Variants in TJP3 observed in about 807,000 individuals in gnomAD.
TJP3 encodes the protein tight junction protein 3.
Under a neutral mutation model 104.2 loss-of-function variants are expected in TJP3, and 85 were observed. The observed-to-expected ratio is 0.82, with a 90% CI of 0.68 to 0.98. The LOEUF is 0.98. Ranked by LOEUF, TJP3 falls within the 50% of genes least tolerant of loss-of-function variation. TJP3 has a pLI of 0.00. For synonymous variants in TJP3, 550 were observed against 550.6 expected (o/e 1.00, Z 0.02); for missense variants, 1,367 against 1,322.8 (o/e 1.03, Z -0.52).
chr19:3,748,003 G>A lies in TJP3; in HGVS notation c.2532G>A (p.Arg844=). 2 of 1,609,820 alleles carry A rather than the reference G, an allele frequency of 1.2e-6. No individual in the cohort carries two copies. The highest frequency in any genetic ancestry group is 1.7e-6 in the Non-Finnish European group (2 of 1,178,558). Residue 844 remains arginine (R), a synonymous_variant, in exon 19 of 21, where the codon CGG becomes CGA. Coordinates refer to ENST00000541714, the MANE Select transcript of TJP3 (RefSeq NM_001267560.2). Reference sequence around the variant, plus strand: ...AGCCCCCGGCTCCAGCCCTGGCCCGGTCCTCGGAGCCCGTGCAGGCAGATG... The same window carrying A: ...AGCCCCCGGCTCCAGCCCTGGCCCGATCCTCGGAGCCCGTGCAGGCAGATG... ...DDEPPAPALA[R]SSEPVQADES...
Position 3,715,831 on chromosome 19 carries a change from T to C in TJP3, c.-10+7270T>C, listed in dbSNP as rs535360831. Among the ~76,000 whole-genome samples the C allele has an allele frequency of 4.6e-5, 7 of 152,234 alleles. No homozygotes were observed. In the South Asian group the frequency reaches 1.5e-3, roughly 32 times the overall value. On this transcript the variant is annotated intron_variant, in intron 1 of 20. Coordinates refer to ENST00000541714, the MANE Select transcript of TJP3 (RefSeq NM_001267560.2). ...CTCGCTCTTGTCATCCAGGCTGGAG[T>C]GCAATGGCGCAATCTCGGCTCACTA...
chr19:3,723,562 G>A (rs1489601634), intron 1 of TJP3, among the ~76,000 whole-genome samples: 1 of 151,994 alleles, frequency 6.6e-6, no homozygotes, highest in African/African-American at 2.4e-5. Flanking sequence ...GAGGCTGAGG[G>A]AGGTGGATCA....
intron 1 of TJP3, among the ~76,000 whole-genome samples, chr19:3,718,981 C>T (rs1481502162): frequency 2.0e-5 from 3 of 151,726 alleles, no homozygotes; most frequent in African/African-American, 7.3e-5. Context: ...GTCAGGAGTT[C>T]GAGACCAGCC....
chr19:3,716,584 T>C (rs1398190094), intron 1 of TJP3, among the ~76,000 whole-genome samples: 1 of 147,134 alleles, frequency 6.8e-6, no homozygotes, highest in African/African-American at 2.4e-5. Flanking sequence ...CCAGTAAACA[T>C]GGCCCGGGAG....
intron 19 of TJP3, among the ~76,000 whole-genome samples, chr19:3,749,344 T>C (rs2036958028): frequency 1.3e-5 from 2 of 151,978 alleles, no homozygotes; most frequent in African/African-American, 4.8e-5. Context: ...ATATATTTTA[T>C]TTTTTAAATT....
chr19:3,745,987 G>T, intron 15 of TJP3, 24 bp from the exon 16 acceptor site: 1 of 1,580,720 alleles, frequency 6.3e-7, no homozygotes, highest in Admixed American at 1.8e-5. Context: ...TCCTGAAGCT[G>T]CTGGTCCTCT....
intron 1 of TJP3, among the ~76,000 whole-genome samples, chr19:3,726,107 G>A (rs554656542): frequency 4.4e-4 from 67 of 152,348 alleles, no homozygotes; most frequent in African/African-American, 1.5e-3. Flanking sequence ...TCACACACCC[G>A]CTGTGCCAAG....
At chr19:3,739,856 C>T (rs1016253296) in intron 13 of TJP3, among the ~76,000 whole-genome samples, 1 of 152,172 alleles carries the variant, frequency 6.6e-6, no homozygotes, top group African/African-American at 2.4e-5. Flanking sequence ...CTCACCCTCC[C>T]GCCTCTTCTT....
chr19:3,733,835 T>C lies in TJP3; in HGVS notation c.800T>C (p.Leu267Pro). The C allele has an allele frequency of 1.2e-6, 2 of 1,614,246 alleles. No homozygotes were observed. The highest frequency in any genetic ancestry group is 1.7e-6 in the Non-Finnish European group (2 of 1,180,038). ...IEKSEGKLSL[L>P]VLRDRGQFLV... ...AAGTCAGAAGGGAAGCTAAGCCTGC[T>C]GGTGCTGAGAGATCGTGGGCAGTTC... Residue 267 changes from leucine to proline, a missense_variant, in exon 7 of 21, where the codon CTG (leucine) becomes CCG (proline). Coordinates refer to ENST00000541714, the MANE Select transcript of TJP3 (RefSeq NM_001267560.2).
At position 3,746,348 on chromosome 19, in the gene TJP3, C is replaced by G. The variant is rs746151768; in HGVS notation, c.2011-137C>G. On this transcript the variant is annotated intron_variant, in intron 16 of 20. Coordinates refer to ENST00000541714, the MANE Select transcript of TJP3 (RefSeq NM_001267560.2). This position sits in a 1 kb window ranked among gnomAD's most constrained non-coding sequence, Gnocchi z 4.1. ...GCTGCGACCTGGGCTGTTACCACCCCCATCCCCAACTTGCTAGCCTGTGGA... is the reference window on the plus strand; with the variant it reads ...GCTGCGACCTGGGCTGTTACCACCCGCATCCCCAACTTGCTAGCCTGTGGA... 5 of 966,904 alleles carry G rather than the reference C, an allele frequency of 5.2e-6. No homozygotes were observed. The highest frequency in any genetic ancestry group is 7.6e-6 in the Non-Finnish European group (5 of 654,086). The allele number at this position is 966,904 out of a possible 1,614,324, so 59.9% of individuals were successfully genotyped here.
At chr19:3,719,698 C>T (rs1303298804) in intron 1 of TJP3, among the ~76,000 whole-genome samples, 1 of 133,954 alleles carries the variant, frequency 7.5e-6, no homozygotes, top group East Asian at 2.2e-4. Flanking sequence ...ATCGTGCCTG[C>T]AGTCCAGCTG....
chr19:3,748,848 C>CTTTTTT (rs71166925), intron 19 of TJP3, among the ~76,000 whole-genome samples: 4 of 48,784 alleles, frequency 8.2e-5, no homozygotes, highest in Non-Finnish European at 1.4e-4. Flanking sequence ...TGCACCCGGC[C>CTTTTTT]TTTTTTTTTT....
chr19:3,731,940 G>C lies in TJP3; in HGVS notation c.619G>C (p.Gly207Arg). 1 of 1,612,928 alleles carries C rather than the reference G, an allele frequency of 6.2e-7. No individual in the cohort carries two copies. Among genetic ancestry groups the C allele is most frequent in the Non-Finnish European group, 8.5e-7 (1 of 1,179,408 alleles). The change falls in exon 6 of 21, where the codon GGC becomes CGC. Residue 207 changes from glycine to arginine, a missense_variant. Gly to Arg is a moderately radical substitution (Grantham distance 125, BLOSUM62 -2). Transcript: ENST00000541714. Reference protein sequence around the residue: ...LVKRRDSEEFGVKLGSQIFIK... With the variant: ...LVKRRDSEEFRVKLGSQIFIK... ...TCCCTCCTCCCCCCTTACAGAGTTT[G>C]GCGTCAAGCTGGGCAGTCAGATCTT... is the stretch of plus-strand genomic sequence containing the variant.
Position 3,730,170 on chromosome 19 carries a change from C to G in TJP3, c.261+40C>G. Reference sequence around the variant, plus strand: ...CCTGGCATGGCCAGCATCTCTGACCCCAGCCTGGGTCGTGCCGCTGTGGGG... The same window carrying G: ...CCTGGCATGGCCAGCATCTCTGACCGCAGCCTGGGTCGTGCCGCTGTGGGG... On this transcript the variant is annotated intron_variant, in intron 4 of 20. Transcript: ENST00000541714. This position sits in a 1 kb window ranked among gnomAD's most constrained non-coding sequence, Gnocchi z 7.3. The G allele has an allele frequency of 6.3e-7, 1 of 1,598,056 alleles. No homozygotes were observed. Among genetic ancestry groups the G allele is most frequent in the Non-Finnish European group, 8.6e-7 (1 of 1,165,650 alleles).
chr19:3,718,898 G>A (rs780709569), intron 1 of TJP3, among the ~76,000 whole-genome samples: 3 of 152,012 alleles, frequency 2.0e-5, no homozygotes, highest in Non-Finnish European at 4.4e-5. Context: ...AAGATCGCTG[G>A]ACTGGCCGGG....
In TJP3 at chr19:3,746,664, G is replaced by T. The variant is rs771255548; in HGVS notation, c.2190G>T (p.Lys730Asn). ...STRRLYAQAQ[K>N]LRKHSSHLFT... ...GTCGCCTCTACGCACAAGCCCAGAAGCTGCGAAAACACAGCAGCCACCTCT... is the reference window on the plus strand; with the variant it reads ...GTCGCCTCTACGCACAAGCCCAGAATCTGCGAAAACACAGCAGCCACCTCT... The change falls in exon 17 of 21, where the codon AAG (lysine) becomes AAT (asparagine). Residue 730 changes from lysine to asparagine, a missense_variant. By Grantham distance (94) the Lys-to-Asn change is moderately conservative. Coordinates refer to ENST00000541714, the MANE Select transcript of TJP3 (RefSeq NM_001267560.2). The surrounding 1 kb of genome is among the most constrained non-coding windows in gnomAD (Gnocchi z 4.1). The T allele has an allele frequency of 1.2e-6, 2 of 1,613,148 alleles. No homozygotes were observed. Among genetic ancestry groups the T allele is most frequent in the Middle Eastern group, 1.7e-4 (1 of 6,052 alleles).
chr19:3,716,801 A>ATATTTT (rs1421328174), intron 1 of TJP3, among the ~76,000 whole-genome samples: 8 of 81,936 alleles, frequency 9.8e-5, no homozygotes, highest in South Asian at 4.5e-4. Context: ...ATATATATAT[A>ATATTTT]TTTTTTTTTT....
At chr19:3,724,155 C>G (rs1202961045) in intron 1 of TJP3, among the ~76,000 whole-genome samples, 1 of 151,804 alleles carries the variant, frequency 6.6e-6, no homozygotes, top group African/African-American at 2.4e-5. Flanking sequence ...CTCCCTCGCC[C>G]CTCTCCCACT....
intron 1 of TJP3, among the ~76,000 whole-genome samples, chr19:3,724,325 A>G: frequency 6.6e-6 from 1 of 151,904 alleles, no homozygotes; most frequent in Non-Finnish European, 1.5e-5. Flanking sequence ...CCTCCTGAGT[A>G]GCTGGGACTA....
Sources: allele counts gnomAD v4.1 joint callset (sites outside exome capture counted in the v4.1 genomes callset), GRCh38; gene constraint gnomAD v4.1.1; non-coding constraint Gnocchi (gnomAD v3.1); transcripts MANE v1.5; gene names NCBI Gene and HGNC (gene_info 2026-07-23, HGNC 2026-07-21).